Variants in FAM178B observed in about 807,000 individuals in gnomAD.
The protein encoded by FAM178B is protein FAM178B.
A neutral mutation model predicts 91.7 loss-of-function variants in FAM178B; 82 were observed. The ratio of observed to expected loss-of-function variants is 0.89; its 90% CI spans 0.75 to 1.07. The LOEUF (loss-of-function observed/expected upper bound fraction) is 1.07, where lower values mean the gene tolerates loss of function less well. FAM178B is among the 50% of genes least tolerant of loss of function. The pLI, the probability that FAM178B is intolerant of heterozygous loss-of-function variation, is 0.00. For synonymous variants in FAM178B, 368 were observed against 359.4 expected, an observed-to-expected ratio of 1.02 and a Z score of -0.27; for missense variants, 769 against 846.7, an observed-to-expected ratio of 0.91 and a Z score of 1.14.
chr2:96,979,336 G>A (rs1469628881), intron 1 of FAM178B, among the ~76,000 whole-genome samples: 4 of 140,992 alleles, frequency 2.8e-5, no homozygotes, highest in African/African-American at 1.1e-4. Flanking sequence ...CTGGAGTGCA[G>A]TGGTACGATC....
chr2:96,920,472 C>T (rs773418044), intron 12 of FAM178B, among the ~76,000 whole-genome samples: 3 of 151,952 alleles, frequency 2.0e-5, no homozygotes, highest in African/African-American at 4.8e-5. Flanking sequence ...TGGTGGCGGG[C>T]GCCTGTAGTC....
intron 14 of FAM178B, among the ~76,000 whole-genome samples, chr2:96,888,475 T>A (rs1019483701): frequency 6.6e-6 from 1 of 152,158 alleles, no homozygotes; most frequent in African/African-American, 2.4e-5. Flanking sequence ...GGAACACATG[T>A]CCCATTGCTG....
At chr2:96,901,164 G>A (rs2153369226) in intron 13 of FAM178B, among the ~76,000 whole-genome samples, 1 of 148,770 alleles carries the variant, frequency 6.7e-6, no homozygotes, top group East Asian at 2.0e-4. Flanking sequence ...CAGGAAGGCT[G>A]AATTCTTTTT....
At chr2:96,937,641 C>T (rs1010915998) in intron 8 of FAM178B, among the ~76,000 whole-genome samples, 6 of 152,180 alleles carry the variant, frequency 3.9e-5, no homozygotes, top group African/African-American at 9.7e-5. Context: ...TACTTTTTAA[C>T]GCTCAGCCAT....
At chr2:96,974,525 C>T (rs1322128832) in intron 1 of FAM178B, among the ~76,000 whole-genome samples, 2 of 151,504 alleles carry the variant, frequency 1.3e-5, no homozygotes, top group Non-Finnish European at 2.9e-5. Flanking sequence ...CATTCCTTAT[C>T]AGTAATTAGT....
At chr2:96,924,378 C>T (rs2081398887) in intron 9 of FAM178B, among the ~76,000 whole-genome samples, 1 of 152,240 alleles carries the variant, frequency 6.6e-6, no homozygotes, top group Non-Finnish European at 1.5e-5. Context: ...AGGTGTCACC[C>T]TGAGCTGATG....
intron 6 of FAM178B, among the ~76,000 whole-genome samples, chr2:96,960,032 A>G (rs2082057754): frequency 6.6e-6 from 1 of 152,214 alleles, no homozygotes; most frequent in South Asian, 2.1e-4. Flanking sequence ...GGGGAGGGAA[A>G]AGCAACATGA....
intron 8 of FAM178B, among the ~76,000 whole-genome samples, chr2:96,934,146 G>A (rs2081587383): frequency 6.6e-6 from 1 of 152,202 alleles, no homozygotes; most frequent in Non-Finnish European, 1.5e-5. Context: ...CCTGCTCTCG[G>A]GTTGTTGGTG....
chr2:96,909,192 A>C (rs936220960), intron 12 of FAM178B, among the ~76,000 whole-genome samples: 7 of 151,960 alleles, frequency 4.6e-5, no homozygotes, highest in Non-Finnish European at 8.8e-5. Context: ...CCTTGAAGTC[A>C]CCTAATCTAG....
chr2:96,985,595 T>C (rs1472007803), intron 1 of FAM178B, among the ~76,000 whole-genome samples: 1 of 152,198 alleles, frequency 6.6e-6, no homozygotes, highest in East Asian at 1.9e-4. Context: ...AATTACGGAA[T>C]CCCAAGTGCT....
At chr2:96,923,459 T>A in intron 10 of FAM178B, 31 bp downstream of exon 10, 2 of 1,497,800 alleles carry the variant, frequency 1.3e-6, no homozygotes, top group Non-Finnish European at 1.8e-6. Flanking sequence ...AAGCCGAGAG[T>A]GCCCTGCATG....
chr2:96,927,524 C>T (rs1459307245), intron 9 of FAM178B, among the ~76,000 whole-genome samples: 1 of 152,220 alleles, frequency 6.6e-6, no homozygotes, highest in Admixed American at 6.5e-5. Context: ...GACAACACAG[C>T]CCTGCTTTCC....
intron 1 of FAM178B, among the ~76,000 whole-genome samples, chr2:96,980,204 T>C (rs1394282242): frequency 6.6e-6 from 1 of 151,802 alleles, no homozygotes; most frequent in Non-Finnish European, 1.5e-5. Context: ...GCTTCCCAAG[T>C]AGCTGGGATT....
At chr2:96,892,947 G>A (rs1454399145) in intron 14 of FAM178B, among the ~76,000 whole-genome samples, 2 of 152,224 alleles carry the variant, frequency 1.3e-5, no homozygotes, top group African/African-American at 2.4e-5. Context: ...CCTCATAAAC[G>A]CACTAATATT....
chr2:96,913,974 C>A (rs1358619844), intron 12 of FAM178B, among the ~76,000 whole-genome samples: 1 of 152,220 alleles, frequency 6.6e-6, no homozygotes, highest in Non-Finnish European at 1.5e-5. Flanking sequence ...CCCCCGCAAA[C>A]CTCAATGTAT....
chr2:96,877,106 A>G (rs1038826059), intron 16 of FAM178B, among the ~76,000 whole-genome samples: 1 of 152,140 alleles, frequency 6.6e-6, no homozygotes, highest in African/African-American at 2.4e-5. Flanking sequence ...ACGGATCTTC[A>G]TTCAAGAAAC....
At chr2:96,918,214 G>A (rs1293841092) in intron 12 of FAM178B, among the ~76,000 whole-genome samples, 1 of 148,606 alleles carries the variant, frequency 6.7e-6, no homozygotes, top group African/African-American at 2.5e-5. Flanking sequence ...TTCACTGAAA[G>A]GTACCATACA....
chr2:96,976,690 C>T (rs2082293140), intron 1 of FAM178B, among the ~76,000 whole-genome samples: 1 of 150,152 alleles, frequency 6.7e-6, no homozygotes, highest in African/African-American at 2.5e-5. Context: ...ACTAAAAATA[C>T]AAAAAAAATT....
At chr2:96,877,746 A>C (rs1574168800) in intron 16 of FAM178B, 144 bp downstream of exon 16, 1 of 797,700 alleles carries the variant, frequency 1.3e-6, no homozygotes, top group East Asian at 2.7e-5. Context: ...AGGCGTCCCC[A>C]CCCTTCCCCC....
Sources: gnomAD v4.1 joint callset for allele counts (sites outside exome capture counted in the v4.1 genomes callset) on GRCh38, gnomAD v4.1.1 for gene constraint, MANE v1.5 for transcripts, NCBI Gene and HGNC (gene_info 2026-07-23, HGNC 2026-07-21) for gene names.